IGSF11: variants seen among roughly 807,000 people sequenced by gnomAD.
The protein encoded by IGSF11 is CXADR like 1.
A neutral mutation model predicts 41.0 loss-of-function variants in IGSF11; 22 were observed. The ratio of observed to expected loss-of-function variants is 0.54; its 90% CI spans 0.38 to 0.77. The LOEUF is 0.77. IGSF11 is among the 30% of genes least tolerant of loss of function. The probability of loss-of-function intolerance (pLI) is 0.00; values close to 1 mark genes in which losing one functional copy is unlikely to be tolerated. For missense variants in IGSF11, 444 were observed against 530.8 expected (o/e 0.84, Z 1.61); for synonymous variants, 219 against 201.3 (o/e 1.09, Z -0.74).
At chr3:118,958,392 A>G (rs751695181) in intron 1 of IGSF11, among the ~76,000 whole-genome samples, 1 of 152,192 alleles carries the variant, frequency 6.6e-6, no homozygotes, top group Non-Finnish European at 1.5e-5. Flanking sequence ...GGGAACATAG[A>G]ATATTTTGTA....
chr3:119,076,476 C>T (rs1430445802), intron 1 of IGSF11, among the ~76,000 whole-genome samples: 2 of 152,132 alleles, frequency 1.3e-5, no homozygotes, highest in African/African-American at 2.4e-5. Flanking sequence ...GAACAGGCAA[C>T]CTACAGAATG....
chr3:118,995,232 C>A (rs1274279379), intron 1 of IGSF11, among the ~76,000 whole-genome samples: 3 of 152,180 alleles, frequency 2.0e-5, no homozygotes, highest in African/African-American at 7.2e-5. Flanking sequence ...AGGTTTTATT[C>A]ACCTAAGTAA....
intron 1 of IGSF11, among the ~76,000 whole-genome samples, chr3:118,999,756 T>C (rs926355334): frequency 6.6e-6 from 1 of 152,202 alleles, no homozygotes; most frequent in Non-Finnish European, 1.5e-5. Context: ...TTAAAATCCA[T>C]ATCTTATTCA....
intron 1 of IGSF11, among the ~76,000 whole-genome samples, chr3:119,040,032 A>G (rs1941062011): frequency 6.6e-6 from 1 of 152,206 alleles, no homozygotes; most frequent in African/African-American, 2.4e-5. Flanking sequence ...TTGCCTGGGG[A>G]CTAGATTGCC....
Position 118,902,462 on chromosome 3 carries a change from C to A in IGSF11, c.*58G>T. 8 of 572,162 alleles carry A rather than the reference C, an allele frequency of 1.4e-5. No individual in the cohort carries two copies. The highest frequency in any genetic ancestry group is 3.9e-5 in the East Asian group (1 of 25,886). 35.4% of individuals were successfully genotyped at this position (572,162 alleles called of 1,614,324 possible). A position where few individuals can be genotyped will look rare whatever the true frequency, so the allele number is the denominator to read the frequency against. The stretch of plus-strand genomic sequence containing the variant: ...TTCCCAGCACTCCCCACCCCACCCT[C>A]CCCCTTGTATGAGGGCATTCCATTT... On this transcript the variant is annotated 3_prime_UTR_variant, in exon 7 of 7. Transcript: ENST00000393775.
intron 1 of IGSF11, among the ~76,000 whole-genome samples, chr3:119,094,349 T>C (rs1444267262): frequency 6.7e-6 from 1 of 149,216 alleles, no homozygotes; most frequent in East Asian, 2.0e-4. Flanking sequence ...AAGGTACTCC[T>C]ATAAACCACA....
chr3:119,028,189 C>T (rs1940006076), intron 1 of IGSF11, among the ~76,000 whole-genome samples: 1 of 152,108 alleles, frequency 6.6e-6, no homozygotes, highest in Non-Finnish European at 1.5e-5. Flanking sequence ...ATAAATACTG[C>T]AGACTGAGAG....
chr3:119,057,510 G>A (rs1165949509), intron 1 of IGSF11, among the ~76,000 whole-genome samples: 1 of 152,146 alleles, frequency 6.6e-6, no homozygotes, highest in Non-Finnish European at 1.5e-5. Flanking sequence ...ATGCTCATGG[G>A]TAGGAAGAAT....
chr3:119,046,551 C>T (rs1941362324), intron 1 of IGSF11, among the ~76,000 whole-genome samples: 1 of 151,582 alleles, frequency 6.6e-6, no homozygotes, highest in South Asian at 2.1e-4. Context: ...GAGAATGGAA[C>T]CAAGTTGGAA....
intron 1 of IGSF11, among the ~76,000 whole-genome samples, chr3:119,047,067 A>G (rs1941386800): frequency 6.7e-6 from 1 of 148,736 alleles, no homozygotes; most frequent in Non-Finnish European, 1.5e-5. Flanking sequence ...GACCATCGAG[A>G]CTAGGAAGAA....
At chr3:119,058,973 G>A (rs1275826674) in intron 1 of IGSF11, among the ~76,000 whole-genome samples, 2 of 151,814 alleles carry the variant, frequency 1.3e-5, no homozygotes, top group Non-Finnish European at 2.9e-5. Context: ...GGGGACTGTT[G>A]TGGGGTGGGG....
At chr3:119,084,338 A>C (rs2076635486) in intron 1 of IGSF11, among the ~76,000 whole-genome samples, 1 of 152,114 alleles carries the variant, frequency 6.6e-6, no homozygotes, top group Admixed American at 6.5e-5. Context: ...CTCCAACTGC[A>C]CTTAGGGAAA....
chr3:119,103,133 G>A (rs983349170), intron 1 of IGSF11, among the ~76,000 whole-genome samples: 1 of 152,012 alleles, frequency 6.6e-6, no homozygotes, highest in African/African-American at 2.4e-5. Context: ...AAGTAGCTGG[G>A]ACTACAGGTG....
chr3:119,056,538 G>C (rs1941842605), intron 1 of IGSF11, among the ~76,000 whole-genome samples: 2 of 152,166 alleles, frequency 1.3e-5, no homozygotes, highest in Admixed American at 1.3e-4. Context: ...AATTCTACCA[G>C]AGGTACAAGG....
intron 1 of IGSF11, among the ~76,000 whole-genome samples, chr3:119,143,026 A>G (rs1403185867): frequency 1.3e-5 from 2 of 152,204 alleles, no homozygotes; most frequent in Non-Finnish European, 2.9e-5. Context: ...AGAAGAAATT[A>G]AGACATTCCC....
chr3:118,982,643 G>C (rs181525267), intron 1 of IGSF11, among the ~76,000 whole-genome samples: 2 of 152,074 alleles, frequency 1.3e-5, no homozygotes, highest in South Asian at 2.1e-4. Flanking sequence ...CCTTGTTTCT[G>C]TTTCTTCAAT....
At chr3:119,094,755 T>C (rs1283824806) in intron 1 of IGSF11, among the ~76,000 whole-genome samples, 1 of 149,528 alleles carries the variant, frequency 6.7e-6, no homozygotes, top group East Asian at 2.0e-4. Flanking sequence ...CACTGCAACC[T>C]CCGCCTCCCA....
intron 1 of IGSF11, among the ~76,000 whole-genome samples, chr3:119,091,348 A>T (rs538480097): frequency 1.3e-5 from 2 of 152,362 alleles, no homozygotes; most frequent in East Asian, 3.8e-4. Flanking sequence ...CAATCCTATT[A>T]CTGTGTATAT....
chr3:119,100,750 T>C (rs544963222), intron 1 of IGSF11, among the ~76,000 whole-genome samples: 7 of 152,328 alleles, frequency 4.6e-5, no homozygotes, highest in African/African-American at 1.7e-4. Flanking sequence ...CTAAAGTGTA[T>C]GATCTTGGGT....
Sources: gnomAD v4.1 joint callset for allele counts (sites outside exome capture counted in the v4.1 genomes callset) on GRCh38, gnomAD v4.1.1 for gene constraint, MANE v1.5 for transcripts, NCBI Gene and HGNC (gene_info 2026-07-23, HGNC 2026-07-21) for gene names.